Variants in CCDC32 observed in about 807,000 individuals in gnomAD.
CCDC32 encodes coiled-coil domain containing 32.
CCDC32 carries 9 observed loss-of-function variants against 20.1 expected under a neutral mutation model. The observed-to-expected ratio is 0.45, with a 90% CI of 0.27 to 0.78. The LOEUF (loss-of-function observed/expected upper bound fraction) is 0.78, where lower values mean the gene tolerates loss of function less well. Ranked by LOEUF, CCDC32 falls within the 30% of genes least tolerant of loss-of-function variation. The pLI, the probability that CCDC32 is intolerant of heterozygous loss-of-function variation, is 0.16. For missense variants in CCDC32, 204 were observed against 215.5 expected (o/e 0.95, Z 0.33); for synonymous variants, 63 against 79.0 (o/e 0.80, Z 1.07).
At chr15:40,552,288 C>T (rs1595889951), downstream of CCDC32, among the ~76,000 whole-genome samples, 1 of 151,630 alleles carries the variant, frequency 6.6e-6, no homozygotes, top group East Asian at 1.9e-4. Context: ...TCGAGACCAG[C>T]CTCAACATGG....
At chr15:40,526,509 A>C (rs535213207), downstream of CCDC32, among the ~76,000 whole-genome samples, 1 of 152,186 alleles carries the variant, frequency 6.6e-6, no homozygotes, top group African/African-American at 2.4e-5. Flanking sequence ...GATTGTCTCC[A>C]TATACTTTTC....
downstream of CCDC32, among the ~76,000 whole-genome samples, chr15:40,551,809 C>CAAAAAAAAAA (rs59499493): frequency 1.7e-4 from 16 of 96,380 alleles, no homozygotes; most frequent in African/African-American, 6.3e-4. Context: ...GACCCTGTCT[C>CAAAAAAAAAA]AAAAAAAAAA....
chr15:40,532,291 A>C (rs746495288), downstream of CCDC32: 3 of 703,114 alleles, frequency 4.3e-6, no homozygotes, highest in South Asian at 4.4e-5. Flanking sequence ...TCTACTTTGC[A>C]ATTGTAGTCA....
At chr15:40,564,742 A>C in intron 1 of CCDC32, 1 of 1,614,156 alleles carries the variant, frequency 6.2e-7, no homozygotes, top group Non-Finnish European at 8.5e-7. Context: ...GTCTAAAGCC[A>C]CCCAAAACCA....
At chr15:40,564,710 A>G (rs1401114079) in intron 1 of CCDC32, 4 of 1,613,426 alleles carry the variant, frequency 2.5e-6, no homozygotes, top group African/African-American at 1.3e-5. Flanking sequence ...CTAGCGCTAC[A>G]GTGAACCCCC....
At chr15:40,541,587 C>A (rs1270630711) in intron 3 of CCDC32, among the ~76,000 whole-genome samples, 1 of 152,194 alleles carries the variant, frequency 6.6e-6, no homozygotes, top group African/African-American at 2.4e-5. Context: ...CCGCCTCAGC[C>A]TCCCACAGTG....
At chr15:40,546,626 T>C (rs1170251722) in intron 3 of CCDC32, among the ~76,000 whole-genome samples, 2 of 152,180 alleles carry the variant, frequency 1.3e-5, no homozygotes, top group African/African-American at 2.4e-5. Context: ...AACATCTGTG[T>C]CATTTGTGAG....
chr15:40,538,981 G>A (rs867261398), downstream of CCDC32: 1 of 501,678 alleles, frequency 2.0e-6, no homozygotes, highest in Non-Finnish European at 3.6e-6. Flanking sequence ...GCCTGCTGGT[G>A]ACCAGCCTGT....
At chr15:40,543,619 T>C (rs1042977626) in intron 3 of CCDC32, among the ~76,000 whole-genome samples, 4 of 152,182 alleles carry the variant, frequency 2.6e-5, no homozygotes, top group African/African-American at 9.7e-5. Flanking sequence ...CGTGCCCAGC[T>C]AATTTTTGTA....
At chr15:40,531,461 T>C (rs1281421693), downstream of CCDC32, 1 of 152,090 alleles carries the variant, frequency 6.6e-6, no homozygotes, top group Non-Finnish European at 1.5e-5. Flanking sequence ...TAGCTGATAT[T>C]ACAGGTGTGA....
At chr15:40,562,707 A>G (rs1416677882) in intron 2 of CCDC32, 65 bp downstream of exon 2, 1 of 1,534,452 alleles carries the variant, frequency 6.5e-7, no homozygotes, top group Admixed American at 2.0e-5. Context: ...ACAACACAAA[A>G]GAATAGGAAA....
chr15:40,530,291 CAA>C (rs3068017), downstream of CCDC32, among the ~76,000 whole-genome samples: 72 of 99,538 alleles, frequency 7.2e-4, no homozygotes, highest in African/African-American at 2.6e-3. Context: ...AACTACATCT[CAA>C]AAAAAAAAAA....
Position 40,543,973 on chromosome 15 carries a change from A to T in CCDC32, c.402-4618T>A, listed in dbSNP as rs145581743. ...AATTATAACTTTTTTTTAGCAGCAC[A>T]TAACACTGCTGACTCCATTGAACTG... On this transcript the variant is annotated intron_variant, in intron 3 of 3. Transcript: ENST00000558113. Among the ~76,000 whole-genome samples, 299 of 152,292 alleles carry T rather than the reference A, an allele frequency of 2.0e-3. 1 individual carries two copies. The highest frequency in any genetic ancestry group is 6.7e-3 in the African/African-American group (280 of 41,554).
chr15:40,553,361 C>A lies in CCDC32; in HGVS notation c.*610G>T. On this transcript the variant is annotated 3_prime_UTR_variant, in exon 4 of 4. Coordinates refer to ENST00000416810, the MANE Select transcript of CCDC32 (RefSeq NM_001080792.4). The stretch of plus-strand genomic sequence containing the variant: ...CATAAACACCCACATTTTCACACTT[C>A]TTTTGCCCATTTGTTCCACAAGGAA... The A allele has an allele frequency of 1.0e-6, 1 of 985,430 alleles. No individual in the cohort carries two copies. Among genetic ancestry groups the A allele is most frequent in the Non-Finnish European group, 1.2e-6 (1 of 829,936 alleles). The allele number at this position is 985,430 out of a possible 1,614,324, so 61.0% of individuals were successfully genotyped here.
At chr15:40,534,873 C>T (rs1283938015), downstream of CCDC32, 1 of 702,416 alleles carries the variant, frequency 1.4e-6, no homozygotes, top group East Asian at 2.7e-5. Flanking sequence ...CAGTCCATTG[C>T]ACCATCAAAG....
intron 3 of CCDC32, among the ~76,000 whole-genome samples, chr15:40,555,192 G>A (rs187132175): frequency 1.3e-5 from 2 of 152,322 alleles, no homozygotes; most frequent in Admixed American, 1.3e-4. Flanking sequence ...AAATGTCAGA[G>A]GGCAATGAGA....
At chr15:40,550,077 G>A (rs771024072), downstream of CCDC32, among the ~76,000 whole-genome samples, 16 of 152,106 alleles carry the variant, frequency 1.1e-4, no homozygotes, top group Non-Finnish European at 2.4e-4. Context: ...CCCTGATCTT[G>A]CCAGGCGCTG....
chr15:40,545,794 A>G (rs1201387163), intron 3 of CCDC32, among the ~76,000 whole-genome samples: 2 of 152,136 alleles, frequency 1.3e-5, no homozygotes, highest in Non-Finnish European at 2.9e-5. Flanking sequence ...CTCAGGTGCC[A>G]CACTTCCCTC....
At chr15:40,526,340 T>C (rs1894900593), downstream of CCDC32, among the ~76,000 whole-genome samples, 1 of 152,248 alleles carries the variant, frequency 6.6e-6, no homozygotes, top group South Asian at 2.1e-4. Flanking sequence ...CTGTTTTATA[T>C]AACTGAAAAT....
Sources: gnomAD v4.1 joint callset for allele counts (sites outside exome capture counted in the v4.1 genomes callset) on GRCh38, gnomAD v4.1.1 for gene constraint, MANE v1.5 for transcripts, NCBI Gene and HGNC (gene_info 2026-07-23, HGNC 2026-07-21) for gene names.